FAT1: variants seen among roughly 807,000 people sequenced by gnomAD.
FAT1 encodes FAT atypical cadherin 1.
Under a neutral mutation model 329.8 loss-of-function variants are expected in FAT1, and 171 were observed. That is an observed-to-expected ratio of 0.52 (90% CI 0.46 to 0.59). FAT1 has a LOEUF of 0.59. Ranked by LOEUF, FAT1 falls within the 20% of genes least tolerant of loss-of-function variation. FAT1 has a pLI of 0.00. For missense variants in FAT1, 5,672 were observed against 5,774.4 expected (o/e 0.98, Z 0.57); for synonymous variants, 2,233 against 2,228.6 (o/e 1.00, Z -0.06).
chr4:186,660,235 C>T (rs1355294449), intron 3 of FAT1, among the ~76,000 whole-genome samples: 2 of 152,150 alleles, frequency 1.3e-5, no homozygotes, highest in African/African-American at 4.8e-5. Flanking sequence ...TACTGACCTA[C>T]CTGGGAACAG....
chr4:186,611,319 C>T (rs575593736), intron 14 of FAT1, 67 bp downstream of exon 14: 13 of 1,445,002 alleles, frequency 9.0e-6, no homozygotes, highest in African/African-American at 1.4e-5. Flanking sequence ...TACAAGGCAA[C>T]GTGGTTAAGC....
Position 186,658,997 on chromosome 4 carries a change from G to T in FAT1, c.3580+4302C>A, listed in dbSNP as rs1211612201. 3.3e-5 allele frequency among the ~76,000 whole-genome samples: 5 copies of T among 152,226 alleles called. No individual in the cohort carries two copies. The East Asian group carries it at 9.6e-4, about 29-fold the overall frequency. On this transcript the variant is annotated intron_variant, in intron 3 of 26. Transcript: ENST00000441802. ...ACACGGCCACGCACTGCATAACGACGTGTCAGTTAACCACGGGCTGCATAT... is the reference window on the plus strand; with the variant it reads ...ACACGGCCACGCACTGCATAACGACTTGTCAGTTAACCACGGGCTGCATAT...
intron 2 of FAT1, among the ~76,000 whole-genome samples, chr4:186,703,832 C>G (rs182879793): frequency 2.0e-5 from 3 of 152,232 alleles, no homozygotes; most frequent in Non-Finnish European, 4.4e-5. Context: ...TCTTTCCACA[C>G]TTCCTTCATG....
rs748231872 is a variant in FAT1 at position 186,597,681 on chromosome 4, C to T, written c.12368+1G>A. 6.2e-7 allele frequency: 1 copy of T among 1,611,500 alleles called. No homozygotes were observed. Among genetic ancestry groups the T allele is most frequent in the Non-Finnish European group, 8.5e-7 (1 of 1,177,768 alleles). On this transcript the variant is annotated splice_donor_variant, in intron 24 of 26. Coordinates refer to ENST00000441802, the MANE Select transcript of FAT1 (RefSeq NM_005245.4). LOFTEE classifies it high-confidence loss of function. ...CCTAAATTTTGAAAGAAACCATTTA[C>T]CTTTCTCCCCTAAAACCCGAATCAC...
intron 17 of FAT1, among the ~76,000 whole-genome samples, chr4:186,605,263 T>G (rs978625946): frequency 0.042 from 3,027 of 72,300 alleles, no homozygotes; most frequent in Admixed American, 0.054. Flanking sequence ...AGAGGAGGAG[T>G]GGGGAGGAGA....
In FAT1 at chr4:186,706,877, C is replaced by T. The variant is rs1203437074; in HGVS notation, c.2951G>A (p.Arg984Lys). The part of the protein sequence containing the change: ...FDVDKLSGAV[R>K]IVQQLDFEKK... ...CTCAAAGTCCAACTGCTGGACGATCCTAACTGCTCCACTGAGTTTATCCAC... is the reference window on the plus strand; with the variant it reads ...CTCAAAGTCCAACTGCTGGACGATCTTAACTGCTCCACTGAGTTTATCCAC... Residue 984 changes from arginine to lysine, a missense_variant, in exon 2 of 27, where the codon AGG becomes AAG. Physicochemically the swap from Arg to Lys is conservative, Grantham distance 26. Transcript: ENST00000441802. The T allele has an allele frequency of 6.2e-7, 1 of 1,613,982 alleles. No individual in the cohort carries two copies. Among genetic ancestry groups the T allele is most frequent in the East Asian group, 2.2e-5 (1 of 44,874 alleles).
intron 2 of FAT1, among the ~76,000 whole-genome samples, chr4:186,675,923 C>T (rs1379249538): frequency 1.3e-5 from 2 of 152,076 alleles, no homozygotes; most frequent in East Asian, 1.9e-4. Context: ...TATTGATTTA[C>T]ACCTGTTTTA....
Position 186,636,883 on chromosome 4 carries a change from T to A in FAT1, c.3674A>T (p.Lys1225Ile), listed in dbSNP as rs774975328. Residue 1225 changes from lysine to isoleucine, a missense_variant, in exon 5 of 27, where the codon AAA becomes ATA. This residue lies in a region of FAT1 where 3,966 missense variants were observed against 3,915.2 expected (regional missense o/e 1.01). Coordinates refer to ENST00000441802, the MANE Select transcript of FAT1 (RefSeq NM_005245.4). ...VTVTDNGSPP[K>I]STIARVIVKI... The stretch of plus-strand genomic sequence containing the variant: ...CACAATGACTCTTGCAATGGTTGAT[T>A]TGGGGGGACTACCATTGTCTGTCAC... The A allele has an allele frequency of 2.5e-6, 4 of 1,613,032 alleles. No individual in the cohort carries two copies. The highest frequency in any genetic ancestry group is 2.5e-6 in the Non-Finnish European group (3 of 1,179,486).
chr4:186,676,223 A>G (rs1286564106), intron 2 of FAT1, among the ~76,000 whole-genome samples: 2 of 151,984 alleles, frequency 1.3e-5, no homozygotes, highest in African/African-American at 4.8e-5. Context: ...CTTGAATTTT[A>G]TAATGCAACA....
chr4:186,636,474 C>T, intron 5 of FAT1, 111 bp downstream of exon 5: 4 of 1,227,828 alleles, frequency 3.3e-6, no homozygotes, highest in Non-Finnish European at 4.6e-6. Flanking sequence ...CAGCAGGTCA[C>T]AAACACTTCA....
At chr4:186,720,639 C>T (rs1258688490) in intron 1 of FAT1, among the ~76,000 whole-genome samples, 1 of 152,164 alleles carries the variant, frequency 6.6e-6, no homozygotes, top group Admixed American at 6.5e-5. Flanking sequence ...GATCTCTTAT[C>T]ACACTGGTCT....
intron 2 of FAT1, among the ~76,000 whole-genome samples, chr4:186,664,372 T>A (rs1742333308): frequency 6.6e-6 from 1 of 152,158 alleles, no homozygotes; most frequent in African/African-American, 2.4e-5. Context: ...AGAGGCCACA[T>A]CATTCTTAAA....
chr4:186,633,438 GTT>G (rs1740681457), intron 7 of FAT1, among the ~76,000 whole-genome samples: 1 of 152,114 alleles, frequency 6.6e-6, no homozygotes, highest in South Asian at 2.1e-4. Context: ...TATAACGTTG[GTT>G]TGGTTTGGTT....
rs1305169715 is a variant in FAT1, at chr4:186,588,724, G to T, written c.13635C>A (p.Ser4545=). The change falls in exon 27 of 27, where the codon TCC becomes TCA. Residue 4545 remains serine, a synonymous_variant. Coordinates refer to ENST00000441802, the MANE Select transcript of FAT1 (RefSeq NM_005245.4). ...MPMSVYASTA[S]CSDVSACCEV... ...CGCAGCAGGCTGACACGTCAGAGCA[G>T]GAGGCGGTGGAGGCGTACACAGACA... 2 of 1,614,014 alleles carry T rather than the reference G, an allele frequency of 1.2e-6. No homozygotes were observed. Among genetic ancestry groups the T allele is most frequent in the South Asian group, 2.2e-5 (2 of 91,084 alleles).
rs950880142 is a variant in FAT1, at chr4:186,596,699, G to C, written c.12841C>G (p.His4281Asp). The C allele has an allele frequency of 1.9e-6, 3 of 1,613,584 alleles. No individual in the cohort carries two copies. In the African/African-American group the frequency reaches 4.0e-5, roughly 22 times the overall value. Residue 4281 changes from histidine to aspartate, a missense_variant, in exon 25 of 27, where the codon CAT (histidine) becomes GAT (aspartate). His to Asp is a moderately conservative substitution (Grantham distance 81, BLOSUM62 -1). Around this residue, in one of 2 missense-constraint regions of FAT1, gnomAD observed 1,706 missense variants for 1,859.1 expected, o/e 0.92. Coordinates refer to ENST00000441802, the MANE Select transcript of FAT1 (RefSeq NM_005245.4). This position sits in a 1 kb window ranked among gnomAD's most constrained non-coding sequence, Gnocchi z 4.7. ...GGGTTAAAAGTGCTGAATTCGGGAT[G>C]CTCTGGGATAGCAGATCCTTCGAAG... ...NSFEGSAIPEHPEFSTFNPES... is the reference protein window; with the variant it reads ...NSFEGSAIPEDPEFSTFNPES...
chr4:186,708,436 G>T lies in FAT1; in HGVS notation c.1392C>A (p.Thr464=), dbSNP rs372209984. 6 of 1,613,782 alleles carry T rather than the reference G, an allele frequency of 3.7e-6. No homozygotes were observed. The highest frequency in any genetic ancestry group is 2.5e-6 in the Non-Finnish European group (3 of 1,179,880). ...LGANSNPPEF[T]QTAYKAAFDE... is the part of the protein sequence containing the mutation. ...CAAAAGCAGCTTTGTACGCTGTCTG[G>T]GTAAATTCAGGGGGATTGCTATTTG... is the stretch of plus-strand genomic sequence containing the variant. Residue 464 remains threonine, a synonymous_variant, in exon 2 of 27, where the codon ACC becomes ACA. Coordinates refer to ENST00000441802, the MANE Select transcript of FAT1 (RefSeq NM_005245.4).
At chr4:186,624,958 T>A (rs1332586458) in intron 9 of FAT1, among the ~76,000 whole-genome samples, 1 of 152,176 alleles carries the variant, frequency 6.6e-6, no homozygotes, top group East Asian at 1.9e-4. Flanking sequence ...ACCAAAACTA[T>A]AAAAATAGCA....
At chr4:186,624,041 AGAAACAATGAG>A (rs1318396101) in intron 9 of FAT1, among the ~76,000 whole-genome samples, 1 of 152,172 alleles carries the variant, frequency 6.6e-6, no homozygotes, top group Non-Finnish European at 1.5e-5. Context: ...GTTTATGTGA[AGAAACAATGAG>A]GGCTGCTGAG....
intron 26 of FAT1, chr4:186,590,571 A>G (rs1366071773): frequency 4.3e-6 from 2 of 461,804 alleles, no homozygotes; most frequent in Admixed American, 4.7e-5. Flanking sequence ...ATGGCTGAGA[A>G]ATGTATGTAC....
Sources: allele counts gnomAD v4.1 joint callset (sites outside exome capture counted in the v4.1 genomes callset), GRCh38; gene constraint gnomAD v4.1.1; regional missense constraint gnomAD v4.1.1; non-coding constraint Gnocchi (gnomAD v3.1); transcripts MANE v1.5; gene names NCBI Gene and HGNC (gene_info 2026-07-23, HGNC 2026-07-21).